Variants in CRLF2 observed in about 807,000 individuals in gnomAD.
The protein encoded by CRLF2 is cytokine receptor like factor 2.
Under a neutral mutation model 38.7 loss-of-function variants are expected in CRLF2, and 41 were observed. The ratio of observed to expected loss-of-function variants is 1.06; its 90% CI spans 0.83 to 1.37. The LOEUF (loss-of-function observed/expected upper bound fraction) is 1.37, where lower values mean the gene tolerates loss of function less well. Ranked by LOEUF, CRLF2 falls within the 40% of genes most tolerant of loss-of-function variation. The pLI, the probability that CRLF2 is intolerant of heterozygous loss-of-function variation, is 0.00. For missense variants in CRLF2, 377 were observed against 322.2 expected (o/e 1.17, Z -1.30); for synonymous variants, 140 against 128.8 (o/e 1.09, Z -0.59).
intron 4 of CRLF2, among the ~76,000 whole-genome samples, chrX:1,199,857 T>C (rs1411115548): frequency 6.6e-6 from 1 of 151,628 alleles, no homozygotes; most frequent in Admixed American, 6.6e-5. Flanking sequence ...GTATATAAGA[T>C]GTGTATATAT....
intron 4 of CRLF2, chrX:1,199,075 G>C: frequency 2.5e-6 from 1 of 401,378 alleles, no homozygotes; most frequent in South Asian, 1.9e-5. Context: ...CTTGAACCTG[G>C]GAGGCGAAGG....
At chrX:1,194,153 G>C (rs1317215415) in intron 6 of CRLF2, among the ~76,000 whole-genome samples, 67,644 of 150,328 alleles carry the variant, frequency 0.45, 15,330 homozygotes, top group East Asian at 0.66. Flanking sequence ...AGCTGGGTGT[G>C]GTGGCGTCTG....
chrX:1,208,775 G>A, intron 2 of CRLF2, 31 bp downstream of exon 2: 2 of 1,288,952 alleles, frequency 1.6e-6, no homozygotes, highest in South Asian at 2.4e-5. Flanking sequence ...AGCCCCCTGG[G>A]CGTGGGGTTC....
chrX:1,191,418 A>C (rs1257381721), intron 7 of CRLF2, among the ~76,000 whole-genome samples: 3 of 147,500 alleles, frequency 2.0e-5, no homozygotes, highest in African/African-American at 5.0e-5. Flanking sequence ...CCAAGAAACA[A>C]CACCATTCCC....
Position 1,207,512 on chromosome X carries a change from C to G in CRLF2, c.183-913G>C, listed in dbSNP as rs1417944794. 1.2e-4 allele frequency among the ~76,000 whole-genome samples: 10 copies of G among 84,392 alleles called. No individual in the cohort carries two copies. In the South Asian group the frequency reaches 3.8e-3, roughly 32 times the overall value. 55.4% of individuals were successfully genotyped at this position (84,392 alleles called of 152,430 possible). A position where few individuals can be genotyped will look rare whatever the true frequency, so the allele number is the denominator to read the frequency against. ...ACCTCAGGTGATCCACCCCCCCCCC[C>G]CTCAGCCTCCCAAAGTGCTGGGATA... On this transcript the variant is annotated intron_variant, in intron 2 of 7. Transcript: ENST00000400841.
rs112992859 is a variant in CRLF2 at position 1,197,288 on chromosome X, AT to A, written c.647-389del. Reference sequence around the variant, plus strand: ...TTGTATTTTTAGTAGAGATGGACCTATTTTTTTTTTTTAATGAATGTTAGTG... The same window carrying A: ...TTGTATTTTTAGTAGAGATGGACCTATTTTTTTTTTTAATGAATGTTAGTG... On this transcript the variant is annotated intron_variant, in intron 5 of 7. Coordinates refer to ENST00000400841, the MANE Select transcript of CRLF2 (RefSeq NM_022148.4). Among the ~76,000 whole-genome samples, 210 of 139,598 alleles carry A rather than the reference AT, an allele frequency of 1.5e-3. 1 individual carries two copies. Among genetic ancestry groups the A allele is most frequent in the South Asian group, 4.3e-3 (19 of 4,436 alleles). 91.6% of individuals were successfully genotyped at this position (139,598 alleles called of 152,430 possible).
At chrX:1,194,992 A>G (rs1288698006) in intron 6 of CRLF2, among the ~76,000 whole-genome samples, 3 of 152,042 alleles carry the variant, frequency 2.0e-5, no homozygotes, top group Non-Finnish European at 4.4e-5. Flanking sequence ...AGATCATGCC[A>G]CTGTACTCCA....
At chrX:1,195,892 A>G (rs1488402943) in intron 6 of CRLF2, among the ~76,000 whole-genome samples, 1 of 140,826 alleles carries the variant, frequency 7.1e-6, no homozygotes, top group Non-Finnish European at 1.5e-5. Flanking sequence ...TATATAGATT[A>G]AATTAAATAT....
At chrX:1,207,584 G>A (rs145399670) in intron 2 of CRLF2, among the ~76,000 whole-genome samples, 138 of 144,212 alleles carry the variant, frequency 9.6e-4, no homozygotes, top group African/African-American at 3.3e-3. Context: ...CTTTTACAGA[G>A]GAAGAAACTG....
chrX:1,202,588 A>G, intron 3 of CRLF2, 53 bp from the exon 4 acceptor site: 1 of 1,611,108 alleles, frequency 6.2e-7, no homozygotes, highest in South Asian at 1.1e-5. Context: ...GCTGATTGTG[A>G]CAGGCTGACC....
intron 1 of CRLF2, among the ~76,000 whole-genome samples, chrX:1,209,294 T>TTGTAGTGTAGTGTAGTGTAGTGTAG (rs774118469): frequency 1.5e-3 from 210 of 142,522 alleles, no homozygotes; most frequent in South Asian, 2.6e-3. Flanking sequence ...TTGCATTGTA[T>TTGTAGTGTAGTGTAGTGTAGTGTAG]TGTAGTGTAG....
At chrX:1,206,107 C>T (rs2086686786) in intron 3 of CRLF2, among the ~76,000 whole-genome samples, 1 of 151,920 alleles carries the variant, frequency 6.6e-6, no homozygotes, top group African/African-American at 2.4e-5. Context: ...GCTTGCTTTT[C>T]AATTATTACG....
intron 1 of CRLF2, among the ~76,000 whole-genome samples, chrX:1,211,683 GGATGGATGGATGTATT>G (rs1315461334): frequency 1.7e-5 from 2 of 119,012 alleles, no homozygotes; most frequent in Non-Finnish European, 3.4e-5. Flanking sequence ...GTGAATGCAT[GGATGGATGGATGTATT>G]GGTGGATGGA....
Position 1,191,352 on chromosome X carries a change from TCTTTCTTTC to T in CRLF2, c.853-201_853-193del, listed in dbSNP as rs2086376190. Among the ~76,000 whole-genome samples the T allele has an allele frequency of 1.2e-4, 14 of 120,466 alleles. 3 individuals are homozygous for T. The highest frequency in any genetic ancestry group is 9.1e-4 in the South Asian group (3 of 3,280). The allele number at this position is 120,466 out of a possible 152,430, so 79.0% of individuals were successfully genotyped here. On this transcript the variant is annotated intron_variant, in intron 7 of 7. Transcript: ENST00000400841. ...TTCTTTCTTTCTTTCTTTCCTTCTT[TCTTTCTTTC>T]CTTTCTTTCTCTTTCTTTCTTTCTC...
chrX:1,192,713 TTTCTTTCTTTCTTTC>T (rs1384827933), intron 7 of CRLF2, among the ~76,000 whole-genome samples: 11 of 20,226 alleles, frequency 5.4e-4, no homozygotes, highest in African/African-American at 3.5e-3. Context: ...TTTTCTTTTC[TTTCTTTCTTTCTTTC>T]TTTCTTTCTT....
intron 6 of CRLF2, among the ~76,000 whole-genome samples, chrX:1,196,531 C>A (rs2086478619): frequency 6.6e-6 from 1 of 151,904 alleles, no homozygotes; most frequent in South Asian, 2.1e-4. Flanking sequence ...CCATATTGGC[C>A]AGGCTGGTCT....
At chrX:1,209,433 GC>G (rs1345519797) in intron 1 of CRLF2, among the ~76,000 whole-genome samples, 2 of 151,646 alleles carry the variant, frequency 1.3e-5, no homozygotes, top group Non-Finnish European at 2.9e-5. Context: ...CCGGGTTCAC[GC>G]CATTCTCCTG....
chrX:1,212,646 G>C lies in CRLF2; in HGVS notation c.-12C>G, dbSNP rs775513633. 1.1e-5 allele frequency: 18 copies of C among 1,588,862 alleles called. No individual in the cohort carries two copies. The highest frequency in any genetic ancestry group is 1.7e-5 in the Admixed American group (1 of 59,834). ...ACCAGCCGCCCCATGCCTGAAACAG[G>C]AGTGGAGAGTGAGGTCCTCAGGGAC... is the stretch of plus-strand genomic sequence containing the variant. On this transcript the variant is annotated 5_prime_UTR_variant, in exon 1 of 8. Transcript: ENST00000400841.
At chrX:1,205,451 A>T (rs1214009543) in intron 3 of CRLF2, among the ~76,000 whole-genome samples, 1 of 152,162 alleles carries the variant, frequency 6.6e-6, no homozygotes, top group African/African-American at 2.4e-5. Context: ...AATCAGCTGA[A>T]GGAAGTACTG....
Sources: allele counts gnomAD v4.1 joint callset (sites outside exome capture counted in the v4.1 genomes callset), GRCh38; gene constraint gnomAD v4.1.1; transcripts MANE v1.5; gene names NCBI Gene and HGNC (gene_info 2026-07-23, HGNC 2026-07-21).